The following BBS9 variants were observed in gnomAD, a reference collection of about 807,000 sequenced individuals.
The protein encoded by BBS9 is Bardet-Biedl syndrome 9, also known as protein PTHB1.
A neutral mutation model predicts 117.7 loss-of-function variants in BBS9; 89 were observed. That is an observed-to-expected ratio of 0.76 (90% confidence interval 0.64 to 0.90). The LOEUF (loss-of-function observed/expected upper bound fraction) is 0.90, where lower values mean the gene tolerates loss of function less well. Ranked by LOEUF, BBS9 falls within the 40% of genes least tolerant of loss-of-function variation. BBS9 has a pLI of 0.00. For synonymous variants in BBS9, 379 were observed against 370.9 expected, an observed-to-expected ratio of 1.02 and a Z score of -0.25; for missense variants, 982 against 1,042.2, an observed-to-expected ratio of 0.94 and a Z score of 0.80.
At chr7:33,362,492 A>G (rs1181341310) in intron 16 of BBS9, among the ~76,000 whole-genome samples, 1 of 152,120 alleles carries the variant, frequency 6.6e-6, no homozygotes, top group East Asian at 1.9e-4. Flanking sequence ...TGGGTGTCTA[A>G]TTGTTACAGC....
chr7:33,249,063 C>T (rs938312374), intron 5 of BBS9, among the ~76,000 whole-genome samples: 1 of 152,082 alleles, frequency 6.6e-6, no homozygotes, highest in Admixed American at 6.6e-5. Context: ...TTCATGTTTG[C>T]TACACCACTT....
chr7:33,470,675 G>A (rs1006031067), intron 19 of BBS9, among the ~76,000 whole-genome samples: 5 of 152,184 alleles, frequency 3.3e-5, no homozygotes, highest in Non-Finnish European at 7.3e-5. Context: ...CTTAGTGCCT[G>A]CTCACCGTGG....
At chr7:33,521,513 T>C (rs1279802630) in intron 20 of BBS9, among the ~76,000 whole-genome samples, 2 of 152,210 alleles carry the variant, frequency 1.3e-5, no homozygotes. Flanking sequence ...ATAGATTGTT[T>C]CCATTTAAAA....
chr7:33,194,327 T>A (rs761047476), intron 5 of BBS9, among the ~76,000 whole-genome samples: 18 of 152,170 alleles, frequency 1.2e-4, no homozygotes, highest in Non-Finnish European at 2.1e-4. Flanking sequence ...GAGTTTGGTC[T>A]TAGCAGCTTC....
At chr7:33,502,745 C>A (rs1845624331) in intron 19 of BBS9, among the ~76,000 whole-genome samples, 1 of 152,216 alleles carries the variant, frequency 6.6e-6, no homozygotes, top group Admixed American at 6.5e-5. Flanking sequence ...CATCTCTGAA[C>A]CTACAACATG....
At chr7:33,363,744 CTG>C (rs966096949) in intron 16 of BBS9, among the ~76,000 whole-genome samples, 2 of 150,630 alleles carry the variant, frequency 1.3e-5, no homozygotes, top group Admixed American at 1.3e-4. Flanking sequence ...GTCGCTGAGA[CTG>C]TAATCAGGAA....
At chr7:33,161,066 A>C (rs1794762237) in intron 4 of BBS9, among the ~76,000 whole-genome samples, 1 of 152,178 alleles carries the variant, frequency 6.6e-6, no homozygotes, top group Non-Finnish European at 1.5e-5. Flanking sequence ...GGGTTTGAAA[A>C]GCAAACATTG....
At chr7:33,297,695 A>G (rs1037500236) in intron 9 of BBS9, among the ~76,000 whole-genome samples, 2 of 152,132 alleles carry the variant, frequency 1.3e-5, no homozygotes, top group Non-Finnish European at 1.5e-5. Flanking sequence ...TGTTGATTAT[A>G]TTTTATGTAG....
At chr7:33,546,079 G>A (rs1038805037) in intron 21 of BBS9, among the ~76,000 whole-genome samples, 2 of 151,308 alleles carry the variant, frequency 1.3e-5, no homozygotes, top group Admixed American at 6.6e-5. Flanking sequence ...GACTACAGGC[G>A]CCTGCCACCG....
At chr7:33,402,815 G>A (rs1173186429) in intron 19 of BBS9, among the ~76,000 whole-genome samples, 5 of 151,478 alleles carry the variant, frequency 3.3e-5, no homozygotes, top group Admixed American at 3.3e-4. Flanking sequence ...CATAGTACCC[G>A]AGAGGTAGTT....
At position 33,373,870 on chromosome 7, in the gene BBS9, A is replaced by G. The variant is rs543675271; in HGVS notation, c.1789+6008A>G. On this transcript the variant is annotated intron_variant, in intron 17 of 22. Transcript: ENST00000242067. ...ATGTGAAAAATGGTTGGGCCTTGAA[A>G]TAGGATTTCTTTTGCATCTTCCAAA... Among the ~76,000 whole-genome samples, 6 of 152,354 alleles carry G rather than the reference A, an allele frequency of 3.9e-5. No homozygotes were observed. In the South Asian group the frequency reaches 1.0e-3, roughly 26 times the overall value.
At chr7:33,580,729 A>G (rs1439802872) in intron 21 of BBS9, among the ~76,000 whole-genome samples, 2 of 152,210 alleles carry the variant, frequency 1.3e-5, no homozygotes, top group African/African-American at 4.8e-5. Context: ...TTCCAGAAAT[A>G]GCTGAAAGGA....
intron 19 of BBS9, among the ~76,000 whole-genome samples, chr7:33,399,788 C>G (rs990319945): frequency 6.6e-6 from 1 of 152,040 alleles, no homozygotes; most frequent in Non-Finnish European, 1.5e-5. Context: ...CTTTGTGCAA[C>G]TGAATTAGTT....
chr7:33,522,257 T>C (rs1281996891), intron 20 of BBS9, among the ~76,000 whole-genome samples: 1 of 152,192 alleles, frequency 6.6e-6, no homozygotes, highest in Non-Finnish European at 1.5e-5. Flanking sequence ...TTTGGGTATA[T>C]ACCCAGTAAT....
chr7:33,604,882 C>G lies in BBS9; in HGVS notation c.2539C>G (p.Pro847Ala). The stretch of plus-strand genomic sequence containing the variant: ...TCAACTAGGTGGTTGTACTACAATC[C>G]CAGAGTCAGACCTAGAAGAAAGATC... ...MVMPGGCTTI[P>A]ESDLEERSVE... The change falls in exon 22 of 23, where the codon CCA (proline) becomes GCA (alanine). Residue 847 changes from proline to alanine, a missense_variant. Pro to Ala is a conservative substitution (Grantham distance 27). Coordinates refer to ENST00000242067, the MANE Select transcript of BBS9 (RefSeq NM_198428.3). The G allele has an allele frequency of 1.2e-6, 2 of 1,612,232 alleles. No homozygotes were observed. The highest frequency in any genetic ancestry group is 1.7e-6 in the Non-Finnish European group (2 of 1,178,618).
intron 17 of BBS9, among the ~76,000 whole-genome samples, chr7:33,368,365 A>G (rs569869412): frequency 3.3e-5 from 5 of 152,294 alleles, no homozygotes; most frequent in South Asian, 4.1e-4. Context: ...TGTAGTAACT[A>G]TATAGTCAAG....
At position 33,534,001 on chromosome 7, in the gene BBS9, T is replaced by C. The variant is rs773024915; in HGVS notation, c.2346T>C (p.Thr782=). ...CCGCCATTTCCCACCTGTTGAAGAC[T>C]TGCCTGTCGAAGAGTTCTAAGGAGC... is the stretch of plus-strand genomic sequence containing the variant. The part of the protein sequence containing the change: ...VDAAISHLLK[T]CLSKSSKEQA... The change falls in exon 21 of 23, where the codon ACT becomes ACC. Residue 782 remains threonine (T), a synonymous_variant. Transcript: ENST00000242067. 1.9e-6 allele frequency: 3 copies of C among 1,614,248 alleles called. No individual in the cohort carries two copies. The Admixed American group carries it at 5.0e-5, about 27-fold the overall frequency.
At chr7:33,538,786 G>C (rs926031576) in intron 21 of BBS9, among the ~76,000 whole-genome samples, 4 of 140,730 alleles carry the variant, frequency 2.8e-5, no homozygotes, top group African/African-American at 1.1e-4. Flanking sequence ...AAAAAAAAAA[G>C]GGAGTGAGTT....
At chr7:33,401,196 TC>T (rs1336365804) in intron 19 of BBS9, among the ~76,000 whole-genome samples, 1 of 152,232 alleles carries the variant, frequency 6.6e-6, no homozygotes, top group Non-Finnish European at 1.5e-5. Flanking sequence ...TTCAGTTGAT[TC>T]CCAGTTAGAA....
Sources: allele counts gnomAD v4.1 joint callset (sites outside exome capture counted in the v4.1 genomes callset), GRCh38; gene constraint gnomAD v4.1.1; transcripts MANE v1.5; gene names NCBI Gene and HGNC (gene_info 2026-07-23, HGNC 2026-07-21).